The following LINC00632 variants were observed in gnomAD, a reference collection of about 807,000 sequenced individuals.
LINC00632 encodes the protein ALDOA related specific transcript.
At chrX:140,723,283 C>A (rs1210733440) in intron 2 of LINC00632, among the ~76,000 whole-genome samples, 2 of 10,855 alleles carry the variant, frequency 1.8e-4, no homozygotes, top group African/African-American at 5.3e-4. Flanking sequence ...ACACACATTC[C>A]ATACACGTGC....
At chrX:140,746,931 T>C (rs1182112302) in intron 3 of LINC00632, among the ~76,000 whole-genome samples, 2 of 111,869 alleles carry the variant, frequency 1.8e-5, no homozygotes, top group Non-Finnish European at 3.8e-5. Flanking sequence ...ACACACTGAC[T>C]CACTCCAAAG....
intron 3 of LINC00632, chrX:140,764,846 G>C (rs1223501012): frequency 9.0e-6 from 1 of 110,875 alleles, no homozygotes; most frequent in Non-Finnish European, 1.9e-5. Flanking sequence ...CATCCTGAGG[G>C]CTCCTGCCTC....
At chrX:140,783,685 A>G in exon 5 of LINC00632, 1 of 1,211,546 alleles carries the variant, frequency 8.3e-7, no homozygotes, top group Non-Finnish European at 1.1e-6. Context: ...AGTGTCTTCC[A>G]GAAAAATCTA....
chrX:140,777,309 T>C (rs746840619), exon 5 of LINC00632, among the ~76,000 whole-genome samples: 29 of 112,166 alleles, frequency 2.6e-4, no homozygotes, highest in Non-Finnish European at 5.1e-4. Context: ...ATAATAATTT[T>C]AAAAAGGGCT....
At chrX:140,787,524 C>A (rs766574354) in exon 5 of LINC00632, among the ~76,000 whole-genome samples, 271 of 111,456 alleles carry the variant, frequency 2.4e-3, no homozygotes, top group African/African-American at 8.4e-3. Context: ...CGTGGTGTTC[C>A]TGTACATATT....
chrX:140,762,519 CCACT>C (rs1035093800), intron 3 of LINC00632, among the ~76,000 whole-genome samples: 38 of 111,920 alleles, frequency 3.4e-4, no homozygotes, highest in African/African-American at 1.2e-3. Context: ...AATGTTGAGC[CCACT>C]CAATTACAGC....
chrX:140,777,963 C>T (rs1931893783), exon 5 of LINC00632, among the ~76,000 whole-genome samples: 1 of 111,948 alleles, frequency 8.9e-6, no homozygotes, highest in South Asian at 3.7e-4. Context: ...TTTAGTCCCT[C>T]CCAGAAAAGG....
chrX:140,781,012 G>T (rs953466422), exon 5 of LINC00632, among the ~76,000 whole-genome samples: 1 of 110,527 alleles, frequency 9.0e-6, no homozygotes, highest in Non-Finnish European at 1.9e-5. Context: ...GTACGGTTCT[G>T]ATTCCAATAC....
rs1286418753 is a variant in LINC00632, at chrX:140,762,242, A to AGAGGGAGAGAGAGAGAGAGAGAGC, written n.192-9835_192-9834insAGGGAGAGAGAGAGAGAGAGAGCG. Among the ~76,000 whole-genome samples the AGAGGGAGAGAGAGAGAGAGAGAGC allele has an allele frequency of 7.7e-4, 77 of 99,817 alleles. 2 individuals are homozygous for AGAGGGAGAGAGAGAGAGAGAGAGC. The highest frequency in any genetic ancestry group is 2.8e-3 in the African/African-American group (74 of 26,548). The allele number at this position is 99,817 out of a possible 115,157, so 86.7% of individuals were successfully genotyped here. Reference sequence around the variant, plus strand: ...GAGAGAGAGAGAGAGAGAGAGAGAGAGCACTCTTATCTTTCCCCACTAGAT... The same window carrying AGAGGGAGAGAGAGAGAGAGAGAGC: ...GAGAGAGAGAGAGAGAGAGAGAGAGAGAGGGAGAGAGAGAGAGAGAGAGCGCACTCTTATCTTTCCCCACTAGAT... On this transcript the variant is annotated intron_variant and non_coding_transcript_variant, in intron 3 of 4. Transcript: ENST00000648200.
At chrX:140,759,300 C>T (rs1179832271) in intron 3 of LINC00632, among the ~76,000 whole-genome samples, 1 of 48,494 alleles carries the variant, frequency 2.1e-5, no homozygotes, top group South Asian at 1.1e-3. Context: ...TTCCTTCCTT[C>T]CTTCCTTCCT....
At chrX:140,748,804 A>G (rs1391889180) in intron 3 of LINC00632, among the ~76,000 whole-genome samples, 1 of 105,959 alleles carries the variant, frequency 9.4e-6, no homozygotes, top group Non-Finnish European at 1.9e-5. Flanking sequence ...TTTATATATG[A>G]TATATTTTAT....
exon 4 of LINC00632, among the ~76,000 whole-genome samples, chrX:140,772,868 A>G (rs918385971): frequency 5.3e-5 from 6 of 112,339 alleles, no homozygotes; most frequent in African/African-American, 1.6e-4. Flanking sequence ...TTAAATTTCA[A>G]TCTGGATGGA....
chrX:140,759,289 T>TTTCTTTCCTTCCTTCCTTCCTTCC (rs1358431074), intron 3 of LINC00632, among the ~76,000 whole-genome samples: 1 of 79,603 alleles, frequency 1.3e-5, no homozygotes, highest in African/African-American at 5.1e-5. Flanking sequence ...TCTTTCTTTC[T>TTTCTTTCCTTCCTTCCTTCCTTCC]TTCCTTCCTT....
chrX:140,756,185 A>G (rs1931490520), intron 3 of LINC00632, among the ~76,000 whole-genome samples: 1 of 112,085 alleles, frequency 8.9e-6, no homozygotes, highest in Admixed American at 9.5e-5. Context: ...TGTGTCAGGT[A>G]AAGTTTGAAA....
chrX:140,729,823 A>G (rs977357820), intron 2 of LINC00632, among the ~76,000 whole-genome samples: 2 of 109,771 alleles, frequency 1.8e-5, no homozygotes, highest in South Asian at 7.9e-4. Context: ...GAAATATACG[A>G]CAATCCACAG....
At chrX:140,768,509 A>G (rs1246399202) in intron 3 of LINC00632, among the ~76,000 whole-genome samples, 1 of 103,696 alleles carries the variant, frequency 9.6e-6, no homozygotes, top group East Asian at 2.9e-4. Flanking sequence ...GGGCCTCTGA[A>G]TTAATCAATG....
intron 3 of LINC00632, among the ~76,000 whole-genome samples, chrX:140,738,065 G>T (rs773861330): frequency 7.1e-5 from 8 of 111,980 alleles, no homozygotes; most frequent in Non-Finnish European, 1.5e-4. Flanking sequence ...CAGTCCAATT[G>T]TGTTGAAAAG....
intron 3 of LINC00632, among the ~76,000 whole-genome samples, chrX:140,767,842 G>T (rs1931718208): frequency 8.9e-6 from 1 of 111,813 alleles, no homozygotes; most frequent in Admixed American, 9.5e-5. Context: ...CATGGCAAAG[G>T]AGAGAGAGGC....
At chrX:140,769,599 C>T (rs1931755373) in intron 3 of LINC00632, among the ~76,000 whole-genome samples, 4 of 110,796 alleles carry the variant, frequency 3.6e-5, no homozygotes, top group South Asian at 7.7e-4. Context: ...TAAACCCTTT[C>T]GTTAATATCA....
Sources: allele counts gnomAD v4.1 joint callset (sites outside exome capture counted in the v4.1 genomes callset), GRCh38; gene constraint gnomAD v4.1.1; transcripts MANE v1.5; gene names NCBI Gene and HGNC (gene_info 2026-07-23, HGNC 2026-07-21).